The following NAV2 variants were observed in gnomAD, a reference collection of about 807,000 sequenced individuals.
The protein encoded by NAV2 is helicase, APC down-regulated 1.
A neutral mutation model predicts 223.2 loss-of-function variants in NAV2; 54 were observed. The observed-to-expected ratio is 0.24, with a 90% CI of 0.19 to 0.30. The LOEUF (loss-of-function observed/expected upper bound fraction) is 0.30, where lower values mean the gene tolerates loss of function less well. NAV2 is among the 10% of genes least tolerant of loss of function. NAV2 has a pLI of 1.00. For missense variants in NAV2, 2,806 were observed against 3,147.5 expected, an observed-to-expected ratio of 0.89 and a Z score of 2.60; for synonymous variants, 1,279 against 1,239.3, an observed-to-expected ratio of 1.03 and a Z score of -0.67.
rs1429833097 is a variant in NAV2 at position 19,831,576 on chromosome 11, C to G, written c.268-908C>G. On this transcript the variant is annotated intron_variant, in intron 1 of 37. Coordinates refer to ENST00000349880, the MANE Select transcript of NAV2 (RefSeq NM_145117.5). ...TCTTCTGCAAACTCACAAGTCCATG[C>G]ATGGAACTTGGCACTCAAAATCAGA... is the stretch of plus-strand genomic sequence containing the variant. 2.0e-5 allele frequency among the ~76,000 whole-genome samples: 3 copies of G among 152,200 alleles called. No individual in the cohort carries two copies. The East Asian group carries it at 5.8e-4, about 29-fold the overall frequency.
intron 1 of NAV2, among the ~76,000 whole-genome samples, chr11:19,525,910 G>T (rs1015982680): frequency 3.9e-5 from 6 of 152,082 alleles, no homozygotes; most frequent in African/African-American, 1.4e-4. Flanking sequence ...CAGGCTTAGG[G>T]GAAGCTGGAC....
chr11:20,055,353 C>T (rs947771996), intron 18 of NAV2, among the ~76,000 whole-genome samples: 5 of 152,218 alleles, frequency 3.3e-5, no homozygotes, highest in Non-Finnish European at 5.9e-5. Flanking sequence ...TCATACTGTT[C>T]TTTCCCAGCC....
At chr11:19,966,156 C>G (rs1383252116) in intron 10 of NAV2, among the ~76,000 whole-genome samples, 1 of 152,164 alleles carries the variant, frequency 6.6e-6, no homozygotes, top group African/African-American at 2.4e-5. Flanking sequence ...GTCACGAGCC[C>G]TCCAGATTCG....
intron 1 of NAV2, among the ~76,000 whole-genome samples, chr11:19,727,370 A>G (rs1315041737): frequency 6.6e-6 from 1 of 152,208 alleles, no homozygotes; most frequent in Admixed American, 6.5e-5. Context: ...AATAGAAACC[A>G]ACTCCCACAG....
intron 1 of NAV2, among the ~76,000 whole-genome samples, chr11:19,832,066 A>G (rs1266136620): frequency 1.3e-5 from 2 of 152,106 alleles, no homozygotes; most frequent in Non-Finnish European, 2.9e-5. Context: ...CCATTAAGAG[A>G]TGCCTGTTGG....
At chr11:20,080,462 A>G (rs1256688757) in intron 25 of NAV2, among the ~76,000 whole-genome samples, 1 of 152,182 alleles carries the variant, frequency 6.6e-6, no homozygotes, top group African/African-American at 2.4e-5. Flanking sequence ...TAAAGTACTC[A>G]TCTTTCATTT....
intron 1 of NAV2, among the ~76,000 whole-genome samples, chr11:19,809,406 C>T (rs2058742703): frequency 1.3e-5 from 2 of 152,198 alleles, no homozygotes; most frequent in Admixed American, 1.3e-4. Context: ...CCATAGTCAA[C>T]TATGGAGCTT....
intron 10 of NAV2, among the ~76,000 whole-genome samples, chr11:19,979,429 T>G (rs1424669604): frequency 6.6e-6 from 1 of 152,114 alleles, no homozygotes; most frequent in Non-Finnish European, 1.5e-5. Context: ...CTAACAATAG[T>G]GAACTACTTA....
At chr11:20,012,397 C>T (rs1005864232) in intron 11 of NAV2, among the ~76,000 whole-genome samples, 4 of 152,140 alleles carry the variant, frequency 2.6e-5, no homozygotes, top group South Asian at 2.1e-4. Context: ...CACTCATGGC[C>T]GGGCACAGTG....
chr11:19,742,017 A>AC (rs1206731864), intron 1 of NAV2, among the ~76,000 whole-genome samples: 2 of 74,092 alleles, frequency 2.7e-5, no homozygotes, highest in East Asian at 7.7e-4. Flanking sequence ...TTATCTTTTG[A>AC]CTTTTTTTGG....
At chr11:19,642,675 C>T (rs1430001997) in intron 1 of NAV2, among the ~76,000 whole-genome samples, 1 of 152,118 alleles carries the variant, frequency 6.6e-6, no homozygotes, top group Admixed American at 6.5e-5. Context: ...TTGCTCTCAG[C>T]ATCTGTGCCA....
upstream of NAV2, among the ~76,000 whole-genome samples, chr11:19,350,018 A>T (rs920831301): frequency 1.3e-5 from 2 of 151,972 alleles, no homozygotes; most frequent in Non-Finnish European, 2.9e-5. Context: ...TGGGGGAAAA[A>T]TATTGATGCT....
At chr11:19,554,085 C>G (rs781674915) in intron 1 of NAV2, among the ~76,000 whole-genome samples, 172 of 152,202 alleles carry the variant, frequency 1.1e-3, no homozygotes, top group Non-Finnish European at 1.8e-3. Context: ...ATTCTGCGCT[C>G]TAAGCCAGGA....
intron 12 of NAV2, among the ~76,000 whole-genome samples, chr11:20,040,671 G>T (rs529971187): frequency 6.6e-6 from 1 of 152,204 alleles, no homozygotes; most frequent in East Asian, 1.9e-4. Context: ...TGTGGATATC[G>T]AATGACTACA....
intron 1 of NAV2, among the ~76,000 whole-genome samples, chr11:19,378,381 T>G (rs1033213186): frequency 6.6e-6 from 1 of 152,120 alleles, no homozygotes; most frequent in Admixed American, 6.5e-5. Context: ...AACATGCCCC[T>G]GGCTCGGTGG....
chr11:19,807,857 CTT>C (rs1380425215), intron 1 of NAV2, among the ~76,000 whole-genome samples: 2 of 152,228 alleles, frequency 1.3e-5, no homozygotes, highest in Admixed American at 6.5e-5. Context: ...GAAACTGACT[CTT>C]TGATATTCCT....
intron 1 of NAV2, among the ~76,000 whole-genome samples, chr11:19,567,054 C>T (rs1245598858): frequency 6.6e-6 from 1 of 152,200 alleles, no homozygotes; most frequent in East Asian, 1.9e-4. Context: ...TGATGGAGGG[C>T]TGTTTCTGTA....
intron 1 of NAV2, among the ~76,000 whole-genome samples, chr11:19,377,989 A>G (rs1159950423): frequency 6.6e-6 from 1 of 152,098 alleles, no homozygotes; most frequent in Non-Finnish European, 1.5e-5. Context: ...TAAGGAGGTG[A>G]GGCTGGGAGG....
chr11:20,086,783 G>A (rs1227543068), intron 26 of NAV2, among the ~76,000 whole-genome samples: 1 of 152,098 alleles, frequency 6.6e-6, no homozygotes, highest in Non-Finnish European at 1.5e-5. Flanking sequence ...GAGCCATCCT[G>A]GGATATTCCT....
Sources: gnomAD v4.1 joint callset for allele counts (sites outside exome capture counted in the v4.1 genomes callset) on GRCh38, gnomAD v4.1.1 for gene constraint, MANE v1.5 for transcripts, NCBI Gene and HGNC (gene_info 2026-07-23, HGNC 2026-07-21) for gene names.